The following FOXK1 variants were observed in gnomAD, a reference collection of about 807,000 sequenced individuals.
FOXK1 encodes the protein forkhead box K1.
A neutral mutation model predicts 51.9 loss-of-function variants in FOXK1; 19 were observed. That is an observed-to-expected ratio of 0.37 (90% CI 0.26 to 0.54). The LOEUF (loss-of-function observed/expected upper bound fraction) is 0.54. Among genes scored for constraint, FOXK1 ranks in the 20% least tolerant of loss-of-function variants. FOXK1 has a pLI of 0.87. For synonymous variants in FOXK1, 537 were observed against 482.6 expected, an observed-to-expected ratio of 1.11 and a Z score of -1.48; for missense variants, 870 against 1,032.7, an observed-to-expected ratio of 0.84 and a Z score of 2.16.
At chr7:4,744,699 G>C (rs995147906) in intron 2 of FOXK1, among the ~76,000 whole-genome samples, 8 of 152,256 alleles carry the variant, frequency 5.3e-5, no homozygotes, top group Admixed American at 6.5e-5. Context: ...GTCCCCGTCA[G>C]GGGGTGCGAG....
At position 4,767,236 on chromosome 7, in the gene FOXK1, G is replaced by T. The variant is rs1290368627; in HGVS notation, c.*4772G>T. On this transcript the variant is annotated 3_prime_UTR_variant, in exon 9 of 9. Transcript: ENST00000328914. This position sits in a 1 kb window ranked among gnomAD's most constrained non-coding sequence, Gnocchi z 6.6. ...AAAAAGGCTTCAGAGTCACCGGCATGCCGCCTCACGTTGCAGGACGGAATC... is the reference window on the plus strand; with the variant it reads ...AAAAAGGCTTCAGAGTCACCGGCATTCCGCCTCACGTTGCAGGACGGAATC... 2 of 152,324 alleles carry T rather than the reference G, an allele frequency of 1.3e-5. No individual in the cohort carries two copies. Among genetic ancestry groups the T allele is most frequent in the African/African-American group, 4.8e-5 (2 of 41,480 alleles). 9.4% of individuals were successfully genotyped at this position (152,324 alleles called of 1,614,324 possible).
intron 5 of FOXK1, among the ~76,000 whole-genome samples, 178 bp downstream of exon 5, chr7:4,757,365 C>T (rs556984842): frequency 2.0e-5 from 3 of 152,124 alleles, no homozygotes; most frequent in African/African-American, 7.2e-5. Flanking sequence ...CGGTGGCTCA[C>T]GCCTGTAATC....
intron 1 of FOXK1, among the ~76,000 whole-genome samples, chr7:4,705,766 C>G (rs1233643908): frequency 7.1e-6 from 1 of 141,588 alleles, no homozygotes; most frequent in Non-Finnish European, 1.5e-5. Flanking sequence ...CTCGATCTCC[C>G]AACCTCGTGA....
intron 1 of FOXK1, among the ~76,000 whole-genome samples, chr7:4,725,034 G>C (rs1159158285): frequency 6.6e-6 from 1 of 152,234 alleles, no homozygotes; most frequent in Non-Finnish European, 1.5e-5. Context: ...GCTGCCCTCT[G>C]TCCCCAGCAG....
In FOXK1 at chr7:4,729,431, C is replaced by T. The variant is rs962317068; in HGVS notation, c.561-11407C>T. Among the ~76,000 whole-genome samples the T allele has an allele frequency of 2.0e-5, 3 of 152,270 alleles. No individual in the cohort carries two copies. The highest frequency in any genetic ancestry group is 2.9e-5 in the Non-Finnish European group (2 of 68,024). ...GGGAAGCAGTCACCTACCAGATGAG[C>T]GTTCCTTCCGCGAAGGGAAGGTGGG... is the stretch of plus-strand genomic sequence containing the variant. On this transcript the variant is annotated intron_variant, in intron 1 of 8. Coordinates refer to ENST00000328914, the MANE Select transcript of FOXK1 (RefSeq NM_001037165.2). The surrounding 1 kb of genome is among the most constrained non-coding windows in gnomAD (Gnocchi z 6.2).
rs573825177 is a variant in FOXK1 at position 4,690,023 on chromosome 7, G to A, written c.560+7155G>A. Reference sequence around the variant, plus strand: ...AGGTGGTGCTGTCTCGCTTCTCCACGTGAAGGATCAGCCTGCAGTGCCAAA... The same window carrying A: ...AGGTGGTGCTGTCTCGCTTCTCCACATGAAGGATCAGCCTGCAGTGCCAAA... On this transcript the variant is annotated intron_variant, in intron 1 of 8. Coordinates refer to ENST00000328914, the MANE Select transcript of FOXK1 (RefSeq NM_001037165.2). 7.2e-5 allele frequency among the ~76,000 whole-genome samples: 11 copies of A among 152,312 alleles called. No homozygotes were observed. The South Asian group carries it at 1.7e-3, about 23-fold the overall frequency.
intron 1 of FOXK1, among the ~76,000 whole-genome samples, chr7:4,718,645 A>G (rs1780268869): frequency 6.6e-6 from 1 of 152,142 alleles, no homozygotes; most frequent in African/African-American, 2.4e-5. Flanking sequence ...TGTCCTTGGC[A>G]TAGGTTTTGT....
intron 1 of FOXK1, among the ~76,000 whole-genome samples, chr7:4,689,280 C>T (rs1025286351): frequency 4.6e-5 from 7 of 152,078 alleles, no homozygotes; most frequent in African/African-American, 1.7e-4. Context: ...ACCCGGCCAC[C>T]GGTACTTTTT....
At chr7:4,716,206 T>C (rs1219059035) in intron 1 of FOXK1, among the ~76,000 whole-genome samples, 1 of 142,346 alleles carries the variant, frequency 7.0e-6, no homozygotes, top group Non-Finnish European at 1.5e-5. Flanking sequence ...GTGCAACATG[T>C]GCAACAGAAC....
rs757379680 is a variant in FOXK1 at position 4,753,181 on chromosome 7, T to G, written c.747-1278T>G. On this transcript the variant is annotated intron_variant, in intron 2 of 8. Coordinates refer to ENST00000328914, the MANE Select transcript of FOXK1 (RefSeq NM_001037165.2). The surrounding 1 kb of genome is among the most constrained non-coding windows in gnomAD (Gnocchi z 4.9). ...TGAAAATGCCCCAGACCTGAACTGA[T>G]CATTAATGTCAGCTGTCAGGTTTTT... Among the ~76,000 whole-genome samples, 3 of 152,300 alleles carry G rather than the reference T, an allele frequency of 2.0e-5. No individual in the cohort carries two copies. Among genetic ancestry groups the G allele is most frequent in the African/African-American group, 2.4e-5 (1 of 41,564 alleles).
At chr7:4,698,669 C>T (rs1347394526) in intron 1 of FOXK1, among the ~76,000 whole-genome samples, 1 of 152,042 alleles carries the variant, frequency 6.6e-6, no homozygotes, top group African/African-American at 2.4e-5. Context: ...CCTCCCACCT[C>T]AGCCTCCTGA....
At chr7:4,705,335 A>G (rs1213882498) in intron 1 of FOXK1, among the ~76,000 whole-genome samples, 1 of 150,854 alleles carries the variant, frequency 6.6e-6, no homozygotes, top group Non-Finnish European at 1.5e-5. Context: ...CTACAGGCGC[A>G]TGCCATCACC....
rs1779784248 is a variant in FOXK1 at position 4,683,784 on chromosome 7, AAC to A, written c.560+921_560+922del. Among the ~76,000 whole-genome samples, 1 of 152,096 alleles carries A rather than the reference AAC, an allele frequency of 6.6e-6. No individual in the cohort carries two copies. The highest frequency in any genetic ancestry group is 1.9e-4 in the East Asian group (1 of 5,184). Reference sequence around the variant, plus strand: ...TCCAGTCTGGGTCCTGGGGGACCCCAACACACTCACCCAGGACAGTGGGAGGG... The same window carrying A: ...TCCAGTCTGGGTCCTGGGGGACCCCAACACTCACCCAGGACAGTGGGAGGG... On this transcript the variant is annotated intron_variant, in intron 1 of 8. Coordinates refer to ENST00000328914, the MANE Select transcript of FOXK1 (RefSeq NM_001037165.2). The surrounding 1 kb of genome is among the most constrained non-coding windows in gnomAD (Gnocchi z 4.5).
rs954339224 is a variant in FOXK1 at position 4,734,848 on chromosome 7, C to A, written c.561-5990C>A. Reference sequence around the variant, plus strand: ...CACCCCATCCAGAAAGTAAACCCGTCCTTCCGCTGGGAGAGACGGGGCGAG... The same window carrying A: ...CACCCCATCCAGAAAGTAAACCCGTACTTCCGCTGGGAGAGACGGGGCGAG... On this transcript the variant is annotated intron_variant, in intron 1 of 8. Transcript: ENST00000328914. The surrounding 1 kb of genome is among the most constrained non-coding windows in gnomAD (Gnocchi z 5.2). Among the ~76,000 whole-genome samples, 13 of 152,184 alleles carry A rather than the reference C, an allele frequency of 8.5e-5. No individual in the cohort carries two copies. Among genetic ancestry groups the A allele is most frequent in the African/African-American group, 2.9e-4 (12 of 41,454 alleles).
Position 4,753,416 on chromosome 7 carries a change from G to A in FOXK1, c.747-1043G>A, listed in dbSNP as rs1780803835. Among the ~76,000 whole-genome samples the A allele has an allele frequency of 6.6e-6, 1 of 152,030 alleles. No homozygotes were observed. On this transcript the variant is annotated intron_variant, in intron 2 of 8. Transcript: ENST00000328914. This position sits in a 1 kb window ranked among gnomAD's most constrained non-coding sequence, Gnocchi z 4.9. ...TGGACCTTCTGGATGGTTCTGGATG[G>A]TTCTGGGTGGTTCTGGATGGTTCTG...
chr7:4,717,936 C>T (rs1364023419), intron 1 of FOXK1, among the ~76,000 whole-genome samples: 1 of 152,116 alleles, frequency 6.6e-6, no homozygotes, highest in African/African-American at 2.4e-5. Flanking sequence ...GCATTTTTGC[C>T]TCGTCACGTT....
At chr7:4,700,892 T>G (rs1358510408) in intron 1 of FOXK1, among the ~76,000 whole-genome samples, 1 of 152,182 alleles carries the variant, frequency 6.6e-6, no homozygotes, top group Admixed American at 6.5e-5. Flanking sequence ...CCCACATACA[T>G]GCGTCTGTGC....
In FOXK1 at chr7:4,762,316, C is replaced by T. The variant is rs1349124025; in HGVS notation, c.2054C>T (p.Ala685Val). 17 of 1,550,640 alleles carry T rather than the reference C, an allele frequency of 1.1e-5. No homozygotes were observed. Among genetic ancestry groups the T allele is most frequent in the Non-Finnish European group, 1.5e-5 (17 of 1,146,830 alleles). Residue 685 changes from alanine to valine, a missense_variant, in exon 9 of 9, where the codon GCC (alanine) becomes GTC (valine). Transcript: ENST00000328914. The surrounding 1 kb of genome is among the most constrained non-coding windows in gnomAD (Gnocchi z 5.7). ...AVAATATTTP[A>V]TATTASASAS... ...GCGGCCACGGCCACCACCACCCCAGCCACTGCCACCACCGCCTCTGCCTCC... is the reference window on the plus strand; with the variant it reads ...GCGGCCACGGCCACCACCACCCCAGTCACTGCCACCACCGCCTCTGCCTCC...
intron 1 of FOXK1, among the ~76,000 whole-genome samples, chr7:4,705,985 T>TAC (rs1562373036): frequency 5.2e-5 from 5 of 95,888 alleles, no homozygotes; most frequent in African/African-American, 3.9e-4. Flanking sequence ...TATATATACG[T>TAC]ATATATACGT....
Sources: gnomAD v4.1 joint callset for allele counts (sites outside exome capture counted in the v4.1 genomes callset) on GRCh38, gnomAD v4.1.1 for gene constraint, Gnocchi (gnomAD v3.1) non-coding constraint, MANE v1.5 for transcripts, NCBI Gene and HGNC (gene_info 2026-07-23, HGNC 2026-07-21) for gene names.